Variants in SOX5 observed in about 807,000 individuals in gnomAD.
SOX5 encodes SRY-box transcription factor 5.
A neutral mutation model predicts 92.0 loss-of-function variants in SOX5; 9 were observed. The ratio of observed to expected loss-of-function variants is 0.10; its 90% confidence interval spans 0.06 to 0.17. The LOEUF (loss-of-function observed/expected upper bound fraction) is 0.17. SOX5 is among the 10% of genes least tolerant of loss of function. The pLI is 1.00. For synonymous variants in SOX5, 344 were observed against 336.3 expected, an observed-to-expected ratio of 1.02 and a Z score of -0.25; for missense variants, 642 against 944.5, an observed-to-expected ratio of 0.68 and a Z score of 4.20.
chr12:23,598,807 C>T (rs892733953), intron 9 of SOX5, among the ~76,000 whole-genome samples: 5 of 152,078 alleles, frequency 3.3e-5, no homozygotes, highest in Non-Finnish European at 5.9e-5. Context: ...GCTGTATGTG[C>T]GGTTTGTATT....
intron 3 of SOX5, among the ~76,000 whole-genome samples, chr12:23,814,063 A>T (rs1252557495): frequency 1.3e-5 from 2 of 152,186 alleles, no homozygotes; most frequent in Non-Finnish European, 2.9e-5. Context: ...AAATTAAAAG[A>T]ATATTTATTT....
At chr12:24,199,045 C>T (rs539713829) in intron 4 of SOX5, among the ~76,000 whole-genome samples, 9 of 152,298 alleles carry the variant, frequency 5.9e-5, no homozygotes, top group African/African-American at 1.4e-4. Flanking sequence ...GGGATGTCCC[C>T]TTTTCATCCG....
At chr12:23,966,771 A>G (rs76466119) in intron 4 of SOX5, among the ~76,000 whole-genome samples, 17 of 152,188 alleles carry the variant, frequency 1.1e-4, no homozygotes, top group Admixed American at 1.1e-3. Flanking sequence ...TGAACATTTA[A>G]TATTACAACT....
At chr12:24,051,364 CACAT>C (rs1435647442) in intron 4 of SOX5, among the ~76,000 whole-genome samples, 1 of 152,032 alleles carries the variant, frequency 6.6e-6, no homozygotes, top group Non-Finnish European at 1.5e-5. Flanking sequence ...CTAGTACACA[CACAT>C]AAACATAAGC....
chr12:23,631,619 A>C (rs2078552399), intron 8 of SOX5, among the ~76,000 whole-genome samples: 1 of 152,142 alleles, frequency 6.6e-6, no homozygotes, highest in South Asian at 2.1e-4. Flanking sequence ...GATACTATCA[A>C]GGAATGGGCA....
At chr12:23,913,685 G>A (rs574713293) in intron 1 of SOX5, among the ~76,000 whole-genome samples, 2 of 149,858 alleles carry the variant, frequency 1.3e-5, no homozygotes, top group East Asian at 3.9e-4. Context: ...GCAGTGAGCC[G>A]AGATTGCACC....
chr12:24,250,159 A>G (rs1317461652), intron 3 of SOX5, among the ~76,000 whole-genome samples: 1 of 152,228 alleles, frequency 6.6e-6, no homozygotes, highest in Non-Finnish European at 1.5e-5. Flanking sequence ...AGTAGAAAAG[A>G]GTTGCTACTA....
intron 3 of SOX5, among the ~76,000 whole-genome samples, chr12:23,824,964 T>A (rs1408759879): frequency 1.3e-5 from 2 of 152,154 alleles, no homozygotes; most frequent in Non-Finnish European, 2.9e-5. Flanking sequence ...GTGTCCCAGG[T>A]TGACTTCAGG....
At chr12:23,973,160 CTTTTTTTTT>C (rs60609193) in intron 4 of SOX5, among the ~76,000 whole-genome samples, 1 of 111,998 alleles carries the variant, frequency 8.9e-6, no homozygotes. Context: ...TAACTTTTTT[CTTTTTTTTT>C]TTTTTTTTTT....
rs138184758 is a variant in SOX5, at chr12:24,184,023, G to A, written c.-2+29320C>T. ...AACAATATATAATTTCATGCTATCT[G>A]TATTTCTTTTGTTCAAAAGCTTTAA... On this transcript the variant is annotated intron_variant, in intron 4 of 4. Coordinates refer to the SOX5 transcript ENST00000446891. Among the ~76,000 whole-genome samples, 491 of 152,154 alleles carry A rather than the reference G, an allele frequency of 3.2e-3. 10 individuals carry two copies. The highest frequency in any genetic ancestry group is 0.023 in the Admixed American group (353 of 15,272).
intron 3 of SOX5, among the ~76,000 whole-genome samples, chr12:24,257,497 C>A (rs1346127028): frequency 6.6e-6 from 1 of 151,874 alleles, no homozygotes; most frequent in Non-Finnish European, 1.5e-5. Flanking sequence ...GAAACAGAAT[C>A]TTGCTCTGTC....
At position 24,144,972 on chromosome 12, in the gene SOX5, G is replaced by C. The variant is rs118105058; in HGVS notation, c.-2+68371C>G. On this transcript the variant is annotated intron_variant, in intron 4 of 4. Transcript: ENST00000446891. ...TAGCCAGACATGGTGTGCACCTGTA[G>C]TCCAAGCTGCTTGGGAGGTGGAGAT... Among the ~76,000 whole-genome samples, 255 of 152,190 alleles carry C rather than the reference G, an allele frequency of 1.7e-3. 4 individuals carry two copies. In the East Asian group the frequency reaches 0.042, roughly 25 times the overall value.
intron 1 of SOX5, among the ~76,000 whole-genome samples, chr12:24,446,228 G>C (rs375041800): frequency 1.3e-5 from 2 of 152,028 alleles, no homozygotes; most frequent in Non-Finnish European, 2.9e-5. Flanking sequence ...ATCATCCCAT[G>C]ATGATGATTG....
At chr12:24,068,680 ATGTGTGTG>A (rs367765179) in intron 4 of SOX5, among the ~76,000 whole-genome samples, 2 of 63,128 alleles carry the variant, frequency 3.2e-5, no homozygotes, top group East Asian at 1.1e-3. Context: ...TCAAAGTCGT[ATGTGTGTG>A]TGTGTGTGTG....
chr12:23,843,809 C>T (rs1050731858), intron 3 of SOX5, among the ~76,000 whole-genome samples: 3 of 152,060 alleles, frequency 2.0e-5, no homozygotes, highest in African/African-American at 7.2e-5. Context: ...GGTGATCCAC[C>T]TGCCACGGCC....
At chr12:24,102,006 C>T (rs557979552) in intron 4 of SOX5, among the ~76,000 whole-genome samples, 20 of 152,270 alleles carry the variant, frequency 1.3e-4, no homozygotes, top group South Asian at 6.2e-4. Context: ...ACATCTTTCA[C>T]TTGGTTCTAT....
rs567245038 is a variant in SOX5, at chr12:24,538,045, T to C, written c.-251+24284A>G. Among the ~76,000 whole-genome samples, 15 of 152,298 alleles carry C rather than the reference T, an allele frequency of 9.8e-5. No homozygotes were observed. In the South Asian group the frequency reaches 3.1e-3, roughly 32 times the overall value. The stretch of plus-strand genomic sequence containing the variant: ...TTACTACTATCCTACCATCCTCCGA[T>C]GGAACATTAACGGGAAGCAATATTC... On this transcript the variant is annotated intron_variant, in intron 1 of 4. Transcript: ENST00000446891.
At chr12:24,356,003 T>C (rs1463473700) in intron 2 of SOX5, among the ~76,000 whole-genome samples, 1 of 151,630 alleles carries the variant, frequency 6.6e-6, no homozygotes, top group Non-Finnish European at 1.5e-5. Context: ...ATTTATTCTT[T>C]GTGGATTTAA....
intron 8 of SOX5, among the ~76,000 whole-genome samples, chr12:23,625,545 T>A (rs1009658612): frequency 6.6e-6 from 1 of 152,182 alleles, no homozygotes; most frequent in Non-Finnish European, 1.5e-5. Flanking sequence ...CAATTCCAGC[T>A]CTTGACTCAT....
Sources: allele counts gnomAD v4.1 joint callset (sites outside exome capture counted in the v4.1 genomes callset), GRCh38; gene constraint gnomAD v4.1.1; transcripts MANE v1.5; gene names NCBI Gene and HGNC (gene_info 2026-07-23, HGNC 2026-07-21).